POP1: variants seen among roughly 807,000 people sequenced by gnomAD.
POP1 encodes the protein POP1 ribonuclease P/MRP subunit, also known as ribonucleases P/MRP protein subunit POP1.
POP1 carries 75 observed loss-of-function variants against 102.2 expected under a neutral mutation model. The observed-to-expected ratio is 0.73, with a 90% CI of 0.61 to 0.89. POP1 has a LOEUF of 0.89. Ranked by LOEUF, POP1 falls within the 40% of genes least tolerant of loss-of-function variation. The pLI, the probability that POP1 is intolerant of heterozygous loss-of-function variation, is 0.00. For missense variants in POP1, 1,116 were observed against 1,267.4 expected, an observed-to-expected ratio of 0.88 and a Z score of 1.81; for synonymous variants, 436 against 464.1, an observed-to-expected ratio of 0.94 and a Z score of 0.78.
intron 2 of POP1, among the ~76,000 whole-genome samples, 166 bp from the exon 3 acceptor site, chr8:98,127,429 C>T (rs571232709): frequency 4.6e-5 from 7 of 152,278 alleles, no homozygotes; most frequent in African/African-American, 1.7e-4. Flanking sequence ...AGTTAATTCA[C>T]CTTCCTACGT....
intron 5 of POP1, among the ~76,000 whole-genome samples, chr8:98,131,471 T>C (rs1225405930): frequency 1.3e-5 from 2 of 152,234 alleles, no homozygotes; most frequent in African/African-American, 4.8e-5. Context: ...CCATTGTAGG[T>C]ATATACCGTA....
intron 9 of POP1, among the ~76,000 whole-genome samples, chr8:98,138,720 C>G (rs981780800): frequency 6.6e-6 from 1 of 152,140 alleles, no homozygotes; most frequent in African/African-American, 2.4e-5. Flanking sequence ...GAGGGTGCCC[C>G]GTAGTAGCTA....
Position 98,124,707 on chromosome 8 carries a change from A to G in POP1, c.142+1228A>G, listed in dbSNP as rs182255802. Among the ~76,000 whole-genome samples the G allele has an allele frequency of 9.2e-5, 14 of 152,336 alleles. 1 individual carries two copies. The East Asian group carries it at 2.3e-3, about 25-fold the overall frequency. Reference sequence around the variant, plus strand: ...CTACTATAAATAATGAAAATTGGCTATGCATATTTTAGAGCTGGTATATTT... The same window carrying G: ...CTACTATAAATAATGAAAATTGGCTGTGCATATTTTAGAGCTGGTATATTT... On this transcript the variant is annotated intron_variant, in intron 2 of 15. Transcript: ENST00000401707.
At chr8:98,127,796 A>G in intron 3 of POP1, 34 bp downstream of exon 3, 2 of 1,607,120 alleles carry the variant, frequency 1.2e-6, no homozygotes, top group Non-Finnish European at 1.7e-6. Context: ...GTTTGCTTGT[A>G]TTTTGAACTC....
At chr8:98,121,146 A>G (rs1431337839) in intron 1 of POP1, among the ~76,000 whole-genome samples, 2 of 152,246 alleles carry the variant, frequency 1.3e-5, no homozygotes, top group African/African-American at 2.4e-5. Flanking sequence ...AAAGTGAGAA[A>G]GTAATTTTCC....
In POP1 at chr8:98,127,703, A is replaced by G; in HGVS notation, c.251A>G (p.Lys84Arg). ...QSSSKGMFRK[K>R]GGWKAGPEGT... ...TCCTCCAAAGGGATGTTTAGAAAAA[A>G]GGGAGGATGGAAAGCAGGTCCCGAG... The change falls in exon 3 of 16, where the codon AAG becomes AGG. Residue 84 changes from lysine to arginine, a missense_variant. Transcript: ENST00000401707. The G allele has an allele frequency of 4.3e-6, 7 of 1,614,086 alleles. No homozygotes were observed. The highest frequency in any genetic ancestry group is 5.9e-6 in the Non-Finnish European group (7 of 1,179,956).
At chr8:98,150,376 A>G (rs1378471161) in intron 13 of POP1, 109 bp from the exon 14 acceptor site, 2 of 1,173,598 alleles carry the variant, frequency 1.7e-6, no homozygotes, top group Admixed American at 1.7e-5. Flanking sequence ...ATTTCTATCC[A>G]TTCTCCTTTT....
chr8:98,125,051 AT>A (rs562268402), intron 2 of POP1, among the ~76,000 whole-genome samples: 10 of 152,058 alleles, frequency 6.6e-5, no homozygotes, highest in Admixed American at 2.6e-4. Flanking sequence ...AGGCTTTCAC[AT>A]TTTTTTTATC....
In POP1 at chr8:98,156,266, A is replaced by G; in HGVS notation, c.2274A>G (p.Glu758=). The G allele has an allele frequency of 6.2e-7, 1 of 1,614,154 alleles. No individual in the cohort carries two copies. The highest frequency in any genetic ancestry group is 8.5e-7 in the Non-Finnish European group (1 of 1,180,040). Residue 758 remains glutamate (E), a synonymous_variant, in exon 15 of 16, where the codon GAA becomes GAG. Coordinates refer to ENST00000401707, the MANE Select transcript of POP1 (RefSeq NM_001145860.2). The part of the protein sequence containing the change: ...MPKKTHQPSD[E]VGTSIEHPRE... ...AAAAAACTCATCAGCCATCTGATGAAGTGGGCACATCCATAGAGCACCCCA... is the reference window on the plus strand; with the variant it reads ...AAAAAACTCATCAGCCATCTGATGAGGTGGGCACATCCATAGAGCACCCCA...
intron 2 of POP1, among the ~76,000 whole-genome samples, chr8:98,126,110 A>G (rs886247679): frequency 1.3e-5 from 2 of 151,960 alleles, no homozygotes; most frequent in African/African-American, 4.8e-5. Context: ...TGGCCTCTCA[A>G]AGTTCTGGGA....
At chr8:98,122,448 A>G (rs1447661963) in intron 1 of POP1, among the ~76,000 whole-genome samples, 2 of 152,090 alleles carry the variant, frequency 1.3e-5, no homozygotes, top group African/African-American at 2.4e-5. Context: ...CCTACCTCCT[A>G]GTGTGTCCAT....
chr8:98,154,784 G>A (rs1809604949), intron 14 of POP1, among the ~76,000 whole-genome samples: 1 of 152,026 alleles, frequency 6.6e-6, no homozygotes, highest in Non-Finnish European at 1.5e-5. Context: ...ATCAATTAGG[G>A]CATATTCATT....
chr8:98,125,867 A>G (rs1038233252), intron 2 of POP1, among the ~76,000 whole-genome samples: 3 of 151,944 alleles, frequency 2.0e-5, no homozygotes, highest in Non-Finnish European at 2.9e-5. Context: ...AAGTTTTAAG[A>G]CAGGATCCCA....
Position 98,146,481 on chromosome 8 carries a change from G to A in POP1, c.1595-87G>A. 7 of 913,882 alleles carry A rather than the reference G, an allele frequency of 7.7e-6. No individual in the cohort carries two copies. The East Asian group carries it at 1.2e-4, about 16-fold the overall frequency. The allele number at this position is 913,882 out of a possible 1,614,324, so 56.6% of individuals were successfully genotyped here. On this transcript the variant is annotated intron_variant, in intron 11 of 15. Coordinates refer to ENST00000401707, the MANE Select transcript of POP1 (RefSeq NM_001145860.2). Reference sequence around the variant, plus strand: ...GTAAATGCCTATGAAATATTGTTTTGTAACAAAAGGCCTATTGCCAATGTT... The same window carrying A: ...GTAAATGCCTATGAAATATTGTTTTATAACAAAAGGCCTATTGCCAATGTT...
chr8:98,119,484 G>T (rs898813105), intron 1 of POP1, among the ~76,000 whole-genome samples: 1 of 152,112 alleles, frequency 6.6e-6, no homozygotes, highest in Non-Finnish European at 1.5e-5. Flanking sequence ...AAGATTTGGC[G>T]AAAATATTTT....
In POP1 at chr8:98,150,533, T is replaced by G. The variant is rs755146940; in HGVS notation, c.1951T>G (p.Ser651Ala). The change falls in exon 14 of 16, where the codon TCT becomes GCT. Residue 651 changes from serine to alanine, a missense_variant. Ser to Ala is a moderately conservative substitution (Grantham distance 99). Transcript: ENST00000401707. ...VGGLKESAVH[S>A]QYKRSPNVPG... ...AGGGTTGAAAGAGTCTGCAGTGCAT[T>G]CTCAGTATAAGAGGTCGCCTAATGT... The G allele has an allele frequency of 6.2e-7, 1 of 1,614,124 alleles. No homozygotes were observed. The highest frequency in any genetic ancestry group is 1.1e-5 in the South Asian group (1 of 91,084).
At chr8:98,138,875 CAG>C (rs1186018849) in intron 9 of POP1, among the ~76,000 whole-genome samples, 1 of 133,210 alleles carries the variant, frequency 7.5e-6, no homozygotes, top group Admixed American at 8.2e-5. Flanking sequence ...TTGTTTGAGA[CAG>C]AGCCTCACTC....
chr8:98,151,018 A>G lies in POP1; in HGVS notation c.2057+379A>G, dbSNP rs113371627. On this transcript the variant is annotated intron_variant, in intron 14 of 15. Transcript: ENST00000401707. The stretch of plus-strand genomic sequence containing the variant: ...AGTAATATATAGTTATCAAAATTTA[A>G]TTAAACTATGAAAATATATAAAAAG... Among the ~76,000 whole-genome samples, 523 of 152,352 alleles carry G rather than the reference A, an allele frequency of 3.4e-3. 3 individuals carry two copies. The highest frequency in any genetic ancestry group is 0.012 in the African/African-American group (492 of 41,582).
intron 14 of POP1, among the ~76,000 whole-genome samples, chr8:98,151,896 C>T (rs553701132): frequency 1.3e-5 from 2 of 152,184 alleles, no homozygotes; most frequent in East Asian, 3.9e-4. Context: ...GCACCTGCCA[C>T]CATGCCTGGC....
Sources: allele counts gnomAD v4.1 joint callset (sites outside exome capture counted in the v4.1 genomes callset), GRCh38; gene constraint gnomAD v4.1.1; transcripts MANE v1.5; gene names NCBI Gene and HGNC (gene_info 2026-07-23, HGNC 2026-07-21).